The following SERGEF variants were observed in gnomAD, a reference collection of about 807,000 sequenced individuals.
The protein encoded by SERGEF is secretion-regulating guanine nucleotide exchange factor.
In SERGEF, 51 loss-of-function variants were observed where a neutral mutation model predicts 50.0. The observed-to-expected ratio is 1.02, with a 90% CI of 0.81 to 1.29. The LOEUF (loss-of-function observed/expected upper bound fraction) is 1.29. Ranked by LOEUF, SERGEF falls within the 50% of genes most tolerant of loss-of-function variation. SERGEF has a pLI of 0.00. For missense variants in SERGEF, 521 were observed against 557.0 expected, an observed-to-expected ratio of 0.94 and a Z score of 0.65; for synonymous variants, 205 against 212.4, an observed-to-expected ratio of 0.97 and a Z score of 0.30.
chr11:17,837,394 C>T (rs1850419751), intron 10 of SERGEF, among the ~76,000 whole-genome samples: 1 of 151,808 alleles, frequency 6.6e-6, no homozygotes, highest in Admixed American at 6.6e-5. Context: ...TAAAGGGGGA[C>T]AGATCCCTAA....
At chr11:17,811,511 C>A (rs2133835414) in intron 10 of SERGEF, among the ~76,000 whole-genome samples, 1 of 152,368 alleles carries the variant, frequency 6.6e-6, no homozygotes, top group South Asian at 2.1e-4. Flanking sequence ...AGTTCAAAAA[C>A]CCGTCGTTTC....
intron 9 of SERGEF, among the ~76,000 whole-genome samples, chr11:17,897,517 T>G (rs1851670479): frequency 6.6e-6 from 1 of 152,194 alleles, no homozygotes; most frequent in Non-Finnish European, 1.5e-5. Flanking sequence ...CAAAGCATAG[T>G]ACAACCATAT....
intron 8 of SERGEF, among the ~76,000 whole-genome samples, chr11:17,977,254 G>A (rs1853396702): frequency 6.6e-6 from 1 of 152,196 alleles, no homozygotes; most frequent in African/African-American, 2.4e-5. Flanking sequence ...ATGGTTTCAG[G>A]CAATGAAAAC....
intron 10 of SERGEF, among the ~76,000 whole-genome samples, chr11:17,799,024 G>A (rs560818329): frequency 3.3e-4 from 50 of 152,154 alleles, no homozygotes; most frequent in Admixed American, 6.5e-4. Flanking sequence ...CAGCACCTTC[G>A]GATCTGAATC....
intron 9 of SERGEF, among the ~76,000 whole-genome samples, chr11:17,923,731 G>A (rs1852200709): frequency 6.6e-6 from 1 of 152,150 alleles, no homozygotes; most frequent in Admixed American, 6.5e-5. Context: ...GGGATGCAGA[G>A]GTGGGTGTAC....
chr11:17,816,743 G>C (rs1309461537), intron 10 of SERGEF, among the ~76,000 whole-genome samples: 3 of 152,174 alleles, frequency 2.0e-5, no homozygotes, highest in African/African-American at 4.8e-5. Flanking sequence ...GCAGAGTCTT[G>C]TCTCTTGTGG....
At chr11:17,972,748 T>C (rs1203809481) in intron 8 of SERGEF, among the ~76,000 whole-genome samples, 1 of 152,120 alleles carries the variant, frequency 6.6e-6, no homozygotes, top group African/African-American at 2.4e-5. Flanking sequence ...CTGCCTCACC[T>C]AATTATCATG....
chr11:17,832,751 G>A (rs1850332840), intron 10 of SERGEF, among the ~76,000 whole-genome samples: 1 of 152,210 alleles, frequency 6.6e-6, no homozygotes, highest in South Asian at 2.1e-4. Flanking sequence ...TTGGGAACTG[G>A]AGCAAAAGTG....
At chr11:17,947,132 G>C (rs1025531806) in intron 9 of SERGEF, among the ~76,000 whole-genome samples, 1 of 152,160 alleles carries the variant, frequency 6.6e-6, no homozygotes, top group East Asian at 1.9e-4. Context: ...TAAGATTTCC[G>C]TTCAATTCAA....
intron 8 of SERGEF, among the ~76,000 whole-genome samples, chr11:17,985,069 A>G (rs1485486696): frequency 6.6e-6 from 1 of 152,226 alleles, no homozygotes; most frequent in Non-Finnish European, 1.5e-5. Flanking sequence ...CATGCAAGTA[A>G]AAGACTTTAG....
intron 9 of SERGEF, among the ~76,000 whole-genome samples, chr11:17,911,973 G>A (rs548655447): frequency 1.3e-5 from 2 of 152,170 alleles, no homozygotes; most frequent in Non-Finnish European, 2.9e-5. Flanking sequence ...GATATGATGA[G>A]TTTGAGCTTA....
At chr11:17,825,165 G>C (rs1432434486) in intron 10 of SERGEF, among the ~76,000 whole-genome samples, 1 of 152,216 alleles carries the variant, frequency 6.6e-6, no homozygotes, top group Non-Finnish European at 1.5e-5. Context: ...CAGATACTGA[G>C]TTATGTGCTG....
At chr11:17,881,953 T>C (rs190172707) in intron 9 of SERGEF, among the ~76,000 whole-genome samples, 56 of 152,316 alleles carry the variant, frequency 3.7e-4, no homozygotes, top group African/African-American at 1.3e-3. Context: ...TCTGGCCTCA[T>C]TTCCTCCCTC....
intron 8 of SERGEF, among the ~76,000 whole-genome samples, chr11:17,983,085 G>C (rs1853523743): frequency 6.6e-6 from 1 of 152,140 alleles, no homozygotes; most frequent in Non-Finnish European, 1.5e-5. Flanking sequence ...GAATGTCAAA[G>C]AACTCCCTGT....
At chr11:17,951,498 G>T (rs1229390576) in intron 9 of SERGEF, among the ~76,000 whole-genome samples, 1 of 152,152 alleles carries the variant, frequency 6.6e-6, no homozygotes. Context: ...GAGTTTACTA[G>T]AAGCATGAAT....
intron 10 of SERGEF, among the ~76,000 whole-genome samples, chr11:17,872,010 A>G (rs961818555): frequency 6.6e-6 from 1 of 152,212 alleles, no homozygotes; most frequent in Admixed American, 6.5e-5. Context: ...AACAACCCAA[A>G]TGTTCAACAG....
intron 10 of SERGEF, among the ~76,000 whole-genome samples, chr11:17,842,796 G>A (rs952027263): frequency 1.3e-5 from 2 of 152,218 alleles, no homozygotes; most frequent in African/African-American, 4.8e-5. Context: ...GCCCAGAAGA[G>A]AACTAATCTG....
intron 10 of SERGEF, among the ~76,000 whole-genome samples, chr11:17,820,689 C>G (rs1359101555): frequency 1.3e-5 from 2 of 152,204 alleles, no homozygotes; most frequent in South Asian, 4.1e-4. Context: ...ACCCCCAGAA[C>G]TTGTGAATGT....
At position 17,879,062 on chromosome 11, in the gene SERGEF, T is replaced by C. The variant is rs143325927; in HGVS notation, c.1012-818A>G. On this transcript the variant is annotated intron_variant, in intron 9 of 10. Coordinates refer to ENST00000265965, the MANE Select transcript of SERGEF (RefSeq NM_012139.4). ...GGTTGAGTCTCATTCACCTCTGTAT[T>C]GCACAGATGGATTGGACAAGGCCTG... is the stretch of plus-strand genomic sequence containing the variant. Among the ~76,000 whole-genome samples, 94 of 152,324 alleles carry C rather than the reference T, an allele frequency of 6.2e-4. 1 individual carries two copies. The East Asian group carries it at 0.017, about 27-fold the overall frequency.
Sources: gnomAD v4.1 joint callset for allele counts (sites outside exome capture counted in the v4.1 genomes callset) on GRCh38, gnomAD v4.1.1 for gene constraint, MANE v1.5 for transcripts, NCBI Gene and HGNC (gene_info 2026-07-23, HGNC 2026-07-21) for gene names.